PPM1B: variants seen among roughly 807,000 people sequenced by gnomAD.
The protein encoded by PPM1B is protein phosphatase, Mg2+/Mn2+ dependent 1B.
A neutral mutation model predicts 43.0 loss-of-function variants in PPM1B; 22 were observed. The observed-to-expected ratio is 0.51, with a 90% CI of 0.37 to 0.73. The LOEUF (loss-of-function observed/expected upper bound fraction) is 0.73. Among genes scored for constraint, PPM1B ranks in the 30% least tolerant of loss-of-function variants. The pLI is 0.00. For missense variants in PPM1B, 632 were observed against 584.2 expected (o/e 1.08, Z -0.84); for synonymous variants, 217 against 197.9 (o/e 1.10, Z -0.81).
chr2:44,223,349 T>C (rs1670059447), intron 5 of PPM1B, among the ~76,000 whole-genome samples: 1 of 152,214 alleles, frequency 6.6e-6, no homozygotes. Flanking sequence ...TTCAGATTAT[T>C]AAATTTTGCA....
At chr2:44,210,215 A>T (rs1035146111) in intron 3 of PPM1B, among the ~76,000 whole-genome samples, 4 of 136,240 alleles carry the variant, frequency 2.9e-5, no homozygotes, top group Non-Finnish European at 4.7e-5. Context: ...TTGGCAATAA[A>T]TTTTTTTTTT....
chr2:44,178,385 A>G (rs1667688372), intron 1 of PPM1B, among the ~76,000 whole-genome samples: 1 of 150,488 alleles, frequency 6.6e-6, no homozygotes, highest in South Asian at 2.1e-4. Flanking sequence ...CTAACTAGAT[A>G]TTTCCAAAAT....
In PPM1B at chr2:44,196,948, T is replaced by C. The variant is rs150257512; in HGVS notation, c.-14-4238T>C. ...AGGTGGAGAGATTTTCCATAGCCAG[T>C]CTACCTTGCTTGTACTACACTGTAC... is the stretch of plus-strand genomic sequence containing the variant. On this transcript the variant is annotated intron_variant, in intron 1 of 5. Coordinates refer to ENST00000282412, the MANE Select transcript of PPM1B (RefSeq NM_002706.6). Among the ~76,000 whole-genome samples, 530 of 152,348 alleles carry C rather than the reference T, an allele frequency of 3.5e-3. 1 individual carries two copies. The highest frequency in any genetic ancestry group is 0.012 in the African/African-American group (502 of 41,572).
chr2:44,228,785 T>C (rs1670338279), intron 5 of PPM1B, among the ~76,000 whole-genome samples: 2 of 152,170 alleles, frequency 1.3e-5, no homozygotes, highest in South Asian at 2.1e-4. Flanking sequence ...ATTTTTCTTT[T>C]TATATCTACT....
chr2:44,174,199 A>C (rs1441213795), intron 1 of PPM1B, among the ~76,000 whole-genome samples: 1 of 152,224 alleles, frequency 6.6e-6, no homozygotes, highest in Non-Finnish European at 1.5e-5. Flanking sequence ...TTTTAGCTTT[A>C]AATTGATTCA....
downstream of PPM1B, chr2:44,244,439 A>C (rs1670814417): frequency 5.3e-6 from 6 of 1,136,750 alleles, no homozygotes; most frequent in Non-Finnish European, 6.9e-6. Flanking sequence ...GAGACAGAGA[A>C]GGACTGTCAC....
At chr2:44,197,352 C>G (rs2087237285) in intron 1 of PPM1B, among the ~76,000 whole-genome samples, 1 of 152,148 alleles carries the variant, frequency 6.6e-6, no homozygotes, top group African/African-American at 2.4e-5. Context: ...CTCCTGGGCC[C>G]AAGTGATTCT....
intron 2 of PPM1B, among the ~76,000 whole-genome samples, chr2:44,203,956 A>G (rs1173619699): frequency 1.3e-5 from 2 of 152,162 alleles, no homozygotes; most frequent in African/African-American, 2.4e-5. Flanking sequence ...GCTTTTATCA[A>G]TTTAGAGTGA....
chr2:44,198,938 C>G (rs184487530), intron 1 of PPM1B, among the ~76,000 whole-genome samples: 1 of 152,288 alleles, frequency 6.6e-6, no homozygotes, highest in Non-Finnish European at 1.5e-5. Context: ...ATTACAATCA[C>G]AAGTATCCCA....
chr2:44,197,452 G>A (rs946492219), intron 1 of PPM1B, among the ~76,000 whole-genome samples: 3 of 151,988 alleles, frequency 2.0e-5, no homozygotes, highest in African/African-American at 7.3e-5. Context: ...ACTGTAGTGC[G>A]TTTATCAAAA....
At chr2:44,192,585 A>C (rs1296388904) in intron 1 of PPM1B, among the ~76,000 whole-genome samples, 1 of 152,254 alleles carries the variant, frequency 6.6e-6, no homozygotes, top group Non-Finnish European at 1.5e-5. Flanking sequence ...TAGGTATAAA[A>C]TGATGTTATA....
intron 5 of PPM1B, among the ~76,000 whole-genome samples, chr2:44,222,501 G>C (rs1349022914): frequency 1.3e-5 from 2 of 152,074 alleles, no homozygotes; most frequent in Admixed American, 6.5e-5. Flanking sequence ...ATTTTCCAAG[G>C]GTAAAGTTGA....
At chr2:44,216,652 G>T (rs576018931) in intron 3 of PPM1B, among the ~76,000 whole-genome samples, 93 of 152,298 alleles carry the variant, frequency 6.1e-4, no homozygotes, top group African/African-American at 1.9e-3. Flanking sequence ...TCATAGCTGG[G>T]CGTGGTGGCT....
intron 1 of PPM1B, among the ~76,000 whole-genome samples, chr2:44,198,161 TTTTG>T (rs1428623490): frequency 1.5e-4 from 23 of 152,184 alleles, no homozygotes; most frequent in East Asian, 7.7e-4. Context: ...TTTTATGATT[TTTTG>T]TTTGTTTGTT....
At chr2:44,226,237 A>T (rs371533952) in intron 5 of PPM1B, among the ~76,000 whole-genome samples, 14 of 152,188 alleles carry the variant, frequency 9.2e-5, no homozygotes, top group African/African-American at 3.4e-4. Flanking sequence ...AGCCTCCCAA[A>T]GTGCTGGGAT....
intron 2 of PPM1B, among the ~76,000 whole-genome samples, chr2:44,206,635 G>A (rs1669202344): frequency 6.6e-6 from 1 of 152,128 alleles, no homozygotes; most frequent in Admixed American, 6.5e-5. Context: ...AAACTCAAAA[G>A]GGTTAAAAGA....
At chr2:44,224,190 T>A (rs1670107087) in intron 5 of PPM1B, among the ~76,000 whole-genome samples, 1 of 152,172 alleles carries the variant, frequency 6.6e-6, no homozygotes, top group East Asian at 1.9e-4. Flanking sequence ...GCACAGTGGC[T>A]CACGCCTGTA....
At chr2:44,179,786 A>T (rs985841585) in intron 1 of PPM1B, among the ~76,000 whole-genome samples, 2 of 152,150 alleles carry the variant, frequency 1.3e-5, no homozygotes. Flanking sequence ...AGGCGGGTGG[A>T]TCACCTGAGG....
At position 44,230,843 on chromosome 2, in the gene PPM1B, G is replaced by A. The variant is rs1670440902; in HGVS notation, c.*125G>A. ...AAACTAGTTTTATTATATTCAGATA[G>A]CCTTGTTTTTTAAAAAGGCCTTTGC... On this transcript the variant is annotated 3_prime_UTR_variant, in exon 6 of 6. Coordinates refer to ENST00000282412, the MANE Select transcript of PPM1B (RefSeq NM_002706.6). The A allele has an allele frequency of 2.1e-6, 3 of 1,441,288 alleles. No individual in the cohort carries two copies. The highest frequency in any genetic ancestry group is 2.8e-5 in the Admixed American group (1 of 35,304). 89.3% of individuals were successfully genotyped at this position (1,441,288 alleles called of 1,614,324 possible). A position where few individuals can be genotyped will look rare whatever the true frequency, so the allele number is the denominator to read the frequency against.
Sources: allele counts gnomAD v4.1 joint callset (sites outside exome capture counted in the v4.1 genomes callset), GRCh38; gene constraint gnomAD v4.1.1; transcripts MANE v1.5; gene names NCBI Gene and HGNC (gene_info 2026-07-23, HGNC 2026-07-21).